Variants in TMEM38B observed in about 807,000 individuals in gnomAD.
The protein encoded by TMEM38B is transmembrane protein 38B.
TMEM38B carries 24 observed loss-of-function variants against 28.7 expected under a neutral mutation model. That is an observed-to-expected ratio of 0.84 (90% CI 0.61 to 1.18). The LOEUF is 1.18. Ranked by LOEUF, TMEM38B falls within the 50% of genes most tolerant of loss-of-function variation. The pLI is 0.00. For synonymous variants in TMEM38B, 131 were observed against 127.7 expected (o/e 1.03, Z -0.17); for missense variants, 380 against 350.9 (o/e 1.08, Z -0.66).
At chr9:105,725,094 T>A (rs1836459567) in intron 4 of TMEM38B, among the ~76,000 whole-genome samples, 2 of 152,138 alleles carry the variant, frequency 1.3e-5, no homozygotes, top group Admixed American at 6.5e-5. Context: ...GAACGATTTT[T>A]CTTAGATGGC....
chr9:105,765,481 C>T (rs1209166380), intron 5 of TMEM38B, among the ~76,000 whole-genome samples: 2 of 152,174 alleles, frequency 1.3e-5, no homozygotes, highest in Non-Finnish European at 2.9e-5. Context: ...TGGAGCATTT[C>T]CTTGTACCTT....
intron 5 of TMEM38B, among the ~76,000 whole-genome samples, chr9:105,762,447 C>T (rs1292365323): frequency 1.4e-4 from 19 of 140,430 alleles, no homozygotes; most frequent in Non-Finnish European, 7.6e-5. Flanking sequence ...GTGATGTTCC[C>T]CTTCCTGTGT....
intron 4 of TMEM38B, among the ~76,000 whole-genome samples, chr9:105,738,629 A>C (rs1365376877): frequency 1.3e-5 from 2 of 152,010 alleles, no homozygotes; most frequent in Non-Finnish European, 2.9e-5. Context: ...TCCATTGACA[A>C]ATCTAAGGTC....
At chr9:105,712,258 C>T (rs563971157) in intron 2 of TMEM38B, among the ~76,000 whole-genome samples, 30 of 152,292 alleles carry the variant, frequency 2.0e-4, no homozygotes, top group Non-Finnish European at 2.8e-4. Context: ...TACCAGTATC[C>T]TGACTTTTAT....
chr9:105,760,075 C>A (rs117567218), intron 5 of TMEM38B: 2 of 1,064,878 alleles, frequency 1.9e-6, no homozygotes, highest in Non-Finnish European at 2.9e-6. Flanking sequence ...GACTGGTACA[C>A]GAAGTTTGCT....
intron 5 of TMEM38B, among the ~76,000 whole-genome samples, chr9:105,765,141 G>A (rs1482315697): frequency 1.3e-5 from 2 of 152,086 alleles, no homozygotes; most frequent in Non-Finnish European, 1.5e-5. Context: ...TCTTTCTAAG[G>A]CATTTGTATG....
chr9:105,707,437 G>A (rs1835713735), intron 2 of TMEM38B, among the ~76,000 whole-genome samples: 1 of 151,898 alleles, frequency 6.6e-6, no homozygotes, highest in Non-Finnish European at 1.5e-5. Context: ...AATGTATAAA[G>A]CAGAAACTGT....
chr9:105,714,672 T>G (rs147137904), intron 2 of TMEM38B, among the ~76,000 whole-genome samples: 33 of 152,360 alleles, frequency 2.2e-4, no homozygotes, highest in African/African-American at 7.7e-4. Flanking sequence ...GAAGCTCAAA[T>G]TATCCCATCT....
intron 2 of TMEM38B, among the ~76,000 whole-genome samples, chr9:105,717,513 A>T (rs1369006819): frequency 1.3e-5 from 2 of 152,212 alleles, no homozygotes; most frequent in Non-Finnish European, 2.9e-5. Context: ...CTGTTACGGT[A>T]AATACTGGTG....
chr9:105,728,008 T>C (rs1836581807), intron 4 of TMEM38B, among the ~76,000 whole-genome samples: 1 of 152,180 alleles, frequency 6.6e-6, no homozygotes. Flanking sequence ...CAGATTTTGG[T>C]GCCACTCTTG....
At chr9:105,759,907 G>C in intron 5 of TMEM38B, 5 of 1,594,826 alleles carry the variant, frequency 3.1e-6, no homozygotes, top group Non-Finnish European at 4.3e-6. Flanking sequence ...ACCAGTGGCT[G>C]AAATGATCAT....
chr9:105,758,520 A>G lies in TMEM38B; in HGVS notation c.660+10330A>G, dbSNP rs540409855. On this transcript the variant is annotated intron_variant, in intron 5 of 5. Transcript: ENST00000374692. ...AAGAAATAATAACAGTTTTGGTCCT[A>G]AAGTTACAAGACAACAGACTATCCA... 5.1e-5 allele frequency: 64 copies of G among 1,248,244 alleles called. No homozygotes were observed. In the Admixed American group the frequency reaches 1.1e-3, roughly 21 times the overall value. The allele number at this position is 1,248,244 out of a possible 1,614,324, so 77.3% of individuals were successfully genotyped here.
chr9:105,766,680 A>T (rs1389341976), intron 5 of TMEM38B, among the ~76,000 whole-genome samples: 3 of 151,748 alleles, frequency 2.0e-5, no homozygotes, highest in East Asian at 3.9e-4. Context: ...TTATTCCTCA[A>T]GGTTTTGAAG....
intron 5 of TMEM38B, among the ~76,000 whole-genome samples, chr9:105,763,042 T>G (rs1487772732): frequency 3.4e-5 from 5 of 148,568 alleles, no homozygotes; most frequent in Admixed American, 6.7e-5. Flanking sequence ...GTTTTTTGGC[T>G]GCATAAATGT....
At chr9:105,762,572 A>AT (rs532930505) in intron 5 of TMEM38B, among the ~76,000 whole-genome samples, 4,600 of 143,672 alleles carry the variant, frequency 0.032, 179 homozygotes, top group African/African-American at 0.097. Context: ...CCATGTCCCT[A>AT]CAAAGGACAT....
intron 4 of TMEM38B, among the ~76,000 whole-genome samples, chr9:105,743,157 GA>G (rs1022511292): frequency 5.8e-4 from 88 of 152,300 alleles, no homozygotes; most frequent in Middle Eastern, 3.4e-3. Context: ...TCCAGAACCT[GA>G]AAAAGACAAG....
chr9:105,717,044 C>A (rs72657001), intron 2 of TMEM38B, among the ~76,000 whole-genome samples: 3,602 of 152,168 alleles, frequency 0.024, 69 homozygotes, highest in Middle Eastern at 0.085. Context: ...GTTGAAGAGT[C>A]AACTATTGTG....
intron 5 of TMEM38B, among the ~76,000 whole-genome samples, chr9:105,773,264 T>C (rs1012172342): frequency 6.6e-6 from 1 of 152,116 alleles, no homozygotes; most frequent in African/African-American, 2.4e-5. Context: ...TATATAAAAA[T>C]ATATGTGGAA....
In TMEM38B at chr9:105,776,261, A is replaced by G. The variant is rs552976674; in HGVS notation, c.*2181A>G. 6.6e-6 allele frequency: 1 copy of G among 152,198 alleles called. No homozygotes were observed. The highest frequency in any genetic ancestry group is 1.9e-4 in the East Asian group (1 of 5,186). 9.4% of individuals were successfully genotyped at this position (152,198 alleles called of 1,614,324 possible). A position where few individuals can be genotyped will look rare whatever the true frequency, so the allele number is the denominator to read the frequency against. The stretch of plus-strand genomic sequence containing the variant: ...GCTTCCCTCAGTGCTGTCACTCTCA[A>G]GTAAAACATGGCCAAATGAATATCA... On this transcript the variant is annotated 3_prime_UTR_variant, in exon 6 of 6. Coordinates refer to ENST00000374692, the MANE Select transcript of TMEM38B (RefSeq NM_018112.3).
Sources: allele counts gnomAD v4.1 joint callset (sites outside exome capture counted in the v4.1 genomes callset), GRCh38; gene constraint gnomAD v4.1.1; transcripts MANE v1.5; gene names NCBI Gene and HGNC (gene_info 2026-07-23, HGNC 2026-07-21).